GSE1: variants seen among roughly 807,000 people sequenced by gnomAD.
The protein encoded by GSE1 is genetic suppressor element 1.
Under a neutral mutation model 112.6 loss-of-function variants are expected in GSE1, and 32 were observed. The ratio of observed to expected loss-of-function variants is 0.28; its 90% CI spans 0.21 to 0.38. The LOEUF (loss-of-function observed/expected upper bound fraction) is 0.38, where lower values mean the gene tolerates loss of function less well. Among genes scored for constraint, GSE1 ranks in the 10% least tolerant of loss-of-function variants. The pLI, the probability that GSE1 is intolerant of heterozygous loss-of-function variation, is 1.00. For synonymous variants in GSE1, 1,115 were observed against 735.6 expected (o/e 1.52, Z -8.35); for missense variants, 2,348 against 1,699.2 (o/e 1.38, Z -6.71).
At chr16:85,255,408 C>A (rs1567642272) in intron 1 of GSE1, among the ~76,000 whole-genome samples, 1 of 150,054 alleles carries the variant, frequency 6.7e-6, no homozygotes, top group Non-Finnish European at 1.5e-5. Context: ...GATGTCAGTG[C>A]CTACTTTTTT....
chr16:85,297,717 G>A (rs1260785703), intron 1 of GSE1, among the ~76,000 whole-genome samples: 1 of 152,088 alleles, frequency 6.6e-6, no homozygotes, highest in African/African-American at 2.4e-5. Context: ...TCACTTTGTT[G>A]CCCAGCTGAT....
chr16:85,626,449 C>T (rs1360166335), intron 1 of GSE1, among the ~76,000 whole-genome samples: 1 of 151,876 alleles, frequency 6.6e-6, no homozygotes, highest in Non-Finnish European at 1.5e-5. Context: ...GCACCAGTCC[C>T]CGAGCTGGGG....
intron 2 of GSE1, among the ~76,000 whole-genome samples, chr16:85,468,166 T>C (rs1392005422): frequency 7.3e-6 from 1 of 136,150 alleles, no homozygotes. Flanking sequence ...GTACTTGGGG[T>C]TCCTTGAACC....
rs575550800 is a variant in GSE1 at position 85,221,043 on chromosome 16, C to A, written c.2283+49236C>A. On this transcript the variant is annotated intron_variant, in intron 1 of 2. Coordinates refer to the GSE1 transcript ENST00000637419. ...GGATTCAGCGTCCTCCGGGCTGCCC[C>A]CTCTCCGAGACCCTGCGGCTGGGAA... Among the ~76,000 whole-genome samples, 918 of 151,948 alleles carry A rather than the reference C, an allele frequency of 6.0e-3. 8 individuals are homozygous for A. The highest frequency in any genetic ancestry group is 0.01 in the Non-Finnish European group (684 of 67,950).
At chr16:85,217,924 CAG>C (rs757788674) in intron 1 of GSE1, among the ~76,000 whole-genome samples, 5 of 151,846 alleles carry the variant, frequency 3.3e-5, no homozygotes, top group African/African-American at 9.7e-5. Flanking sequence ...TTTTTTGAAA[CAG>C]AGTCTTGTTC....
Position 85,270,414 on chromosome 16 carries a change from C to T in GSE1, c.2284-87049C>T, listed in dbSNP as rs1352718910. Among the ~76,000 whole-genome samples the T allele has an allele frequency of 2.7e-5, 4 of 149,088 alleles. 1 individual carries two copies. The highest frequency in any genetic ancestry group is 1.5e-5 in the Non-Finnish European group (1 of 66,192). On this transcript the variant is annotated intron_variant, in intron 1 of 2. Coordinates refer to the GSE1 transcript ENST00000637419. ...AGCGACATCCAAGGCTCCACTCCGT[C>T]TGCTTGGGTGACTCTCCGAGGACAC...
chr16:85,628,505 C>A (rs1302065381), intron 1 of GSE1, among the ~76,000 whole-genome samples: 1 of 152,132 alleles, frequency 6.6e-6, no homozygotes, highest in South Asian at 2.1e-4. Context: ...GCCTCAGACC[C>A]AGGCATTGGA....
At chr16:85,555,475 C>T, upstream of GSE1, 1 of 984,952 alleles carries the variant, frequency 1.0e-6, no homozygotes, top group Non-Finnish European at 1.2e-6. Flanking sequence ...GACTTGTTTG[C>T]AATCGCCGCC....
At chr16:85,188,760 C>T (rs1358772649) in intron 1 of GSE1, among the ~76,000 whole-genome samples, 2 of 151,600 alleles carry the variant, frequency 1.3e-5, no homozygotes, top group African/African-American at 4.8e-5. Context: ...ATGATCACAC[C>T]ACTGCACTCC....
intron 1 of GSE1, among the ~76,000 whole-genome samples, chr16:85,257,180 C>T (rs1472873811): frequency 6.6e-6 from 1 of 152,182 alleles, no homozygotes. Context: ...GCGATCTCGG[C>T]CCACTGCAAC....
chr16:85,380,229 G>A (rs1014648856), intron 2 of GSE1, among the ~76,000 whole-genome samples: 1 of 152,318 alleles, frequency 6.6e-6, no homozygotes, highest in East Asian at 1.9e-4. Context: ...GGCAGTCTGG[G>A]AGGGCTCCCT....
chr16:85,665,817 T>G lies in GSE1; in HGVS notation c.2759-159T>G, dbSNP rs117658475. ...TAAACACCCCACTGTCTTCAGAGAA[T>G]AGCCATGTGCGCGGCGGTTACTTAA... On this transcript the variant is annotated intron_variant, in intron 12 of 15. Transcript: ENST00000253458. Among the ~76,000 whole-genome samples, 1,136 of 152,370 alleles carry G rather than the reference T, an allele frequency of 7.5e-3. 5 individuals are homozygous for G. Among genetic ancestry groups the G allele is most frequent in the Middle Eastern group, 0.014 (4 of 294 alleles).
intron 1 of GSE1, among the ~76,000 whole-genome samples, chr16:85,579,413 G>A (rs754928956): frequency 2.0e-4 from 31 of 152,316 alleles, no homozygotes; most frequent in Non-Finnish European, 3.5e-4. Context: ...TGGGGAGGGC[G>A]CTTTGTATTG....
At chr16:85,347,713 C>T (rs1041185480) in intron 1 of GSE1, among the ~76,000 whole-genome samples, 3 of 152,138 alleles carry the variant, frequency 2.0e-5, no homozygotes, top group African/African-American at 2.4e-5. Context: ...AATGGGTCAG[C>T]CCCTGCAGGG....
intron 1 of GSE1, among the ~76,000 whole-genome samples, chr16:85,272,039 C>G (rs998566322): frequency 6.6e-6 from 1 of 152,230 alleles, no homozygotes; most frequent in Non-Finnish European, 1.5e-5. Context: ...CTCCTGTGCA[C>G]TACAGGGCAT....
chr16:85,402,465 C>A (rs553008730), intron 2 of GSE1, among the ~76,000 whole-genome samples: 1 of 152,192 alleles, frequency 6.6e-6, no homozygotes, highest in Non-Finnish European at 1.5e-5. Flanking sequence ...GGGCCGGGGC[C>A]ATGCTGAGTC....
intron 1 of GSE1, among the ~76,000 whole-genome samples, chr16:85,263,905 C>G (rs6564113): frequency 0.015 from 2,217 of 152,068 alleles, 57 homozygotes; most frequent in African/African-American, 0.051. Flanking sequence ...CATTCCAGGT[C>G]TCCTCTGCCG....
intron 1 of GSE1, among the ~76,000 whole-genome samples, chr16:85,249,572 G>A (rs1567638501): frequency 1.3e-5 from 2 of 152,356 alleles, no homozygotes; most frequent in East Asian, 1.9e-4. Context: ...GACTTCTCAC[G>A]GATTGTCACT....
intron 1 of GSE1, among the ~76,000 whole-genome samples, chr16:85,231,091 T>TGGAA (rs1904280280): frequency 7.3e-6 from 1 of 136,672 alleles, no homozygotes; most frequent in African/African-American, 2.8e-5. Flanking sequence ...GATGGATGGA[T>TGGAA]GGATGGACAG....
Sources: allele counts gnomAD v4.1 joint callset (sites outside exome capture counted in the v4.1 genomes callset), GRCh38; gene constraint gnomAD v4.1.1; transcripts MANE v1.5; gene names NCBI Gene and HGNC (gene_info 2026-07-23, HGNC 2026-07-21).